PRPF8: variants seen among roughly 807,000 people sequenced by gnomAD.
PRPF8 encodes the protein pre-mRNA-processing-splicing factor 8.
PRPF8 carries 64 observed loss-of-function variants against 285.9 expected under a neutral mutation model. The observed-to-expected ratio is 0.22, with a 90% CI of 0.18 to 0.28. The LOEUF (loss-of-function observed/expected upper bound fraction) is 0.28. Among genes scored for constraint, PRPF8 ranks in the 10% least tolerant of loss-of-function variants. PRPF8 has a pLI of 1.00. For synonymous variants in PRPF8, 1,325 were observed against 1,118.2 expected (o/e 1.18, Z -3.69); for missense variants, 1,426 against 3,026.7 (o/e 0.47, Z 12.41).
At chr17:1,684,422 C>G in intron 2 of PRPF8, 50 bp downstream of exon 2, 1 of 1,599,762 alleles carries the variant, frequency 6.3e-7, no homozygotes, top group Non-Finnish European at 8.6e-7. Context: ...TGCGCGCGCG[C>G]ACACCCGCCC....
Position 1,662,061 on chromosome 17 carries a change from C to T in PRPF8, c.3867G>A (p.Val1289=), listed in dbSNP as rs1301105716. 4 of 1,614,100 alleles carry T rather than the reference C, an allele frequency of 2.5e-6. No individual in the cohort carries two copies. Among genetic ancestry groups the T allele is most frequent in the South Asian group, 1.1e-5 (1 of 91,082 alleles). Residue 1289 remains valine (V), a synonymous_variant, in exon 25 of 43, where the codon GTG becomes GTA. Transcript: ENST00000304992. ...VNTQELLDLL[V]KCENKIQTRI... is the part of the protein sequence containing the mutation. The stretch of plus-strand genomic sequence containing the variant: ...GTGTCTGGATTTTGTTCTCACACTT[C>T]ACCAGTAAGTCCAAGAGCTCTTGGG...
chr17:1,668,630 G>C (rs1192162087), intron 24 of PRPF8, among the ~76,000 whole-genome samples: 1 of 151,980 alleles, frequency 6.6e-6, no homozygotes, highest in Non-Finnish European at 1.5e-5. Context: ...CCAAAGTGCT[G>C]GGATTACAGG....
rs777095019 is a variant in PRPF8 at position 1,673,867 on chromosome 17, G to A, written c.3325C>T (p.Leu1109=). 24 of 1,613,686 alleles carry A rather than the reference G, an allele frequency of 1.5e-5. No individual in the cohort carries two copies. The highest frequency in any genetic ancestry group is 2.0e-5 in the Non-Finnish European group (24 of 1,180,006). ...FRFTADEARD[L]IQRYLTEHPD... ...TGCTCTGTCAGGTAACGTTGAATCA[G>A]GTCCCGAGCCTCATCTGCTGTGAAC... is the stretch of plus-strand genomic sequence containing the variant. Residue 1109 remains leucine, a synonymous_variant, in exon 22 of 43, where the codon CTG becomes TTG. Transcript: ENST00000304992. The surrounding 1 kb of genome is among the most constrained non-coding windows in gnomAD (Gnocchi z 5.5).
intron 6 of PRPF8, 76 bp downstream of exon 6, chr17:1,681,402 A>G: frequency 6.2e-6 from 9 of 1,448,118 alleles, no homozygotes; most frequent in South Asian, 2.3e-5. Flanking sequence ...TTTGGAAGTT[A>G]TATCAGGACT....
Position 1,675,310 on chromosome 17 carries a change from T to A in PRPF8, c.2902A>T (p.Thr968Ser), listed in dbSNP as rs537489157. The change falls in exon 20 of 43, where the codon ACG (threonine) becomes TCG (serine). Residue 968 changes from threonine to serine, a missense_variant. Thr to Ser is a moderately conservative substitution (Grantham distance 58, BLOSUM62 1). Around this residue, in one of 34 missense-constraint regions of PRPF8, gnomAD observed 37 missense variants for 43.4 expected, o/e 0.85. Transcript: ENST00000304992. This position sits in a 1 kb window ranked among gnomAD's most constrained non-coding sequence, Gnocchi z 6.0. ...GINNLQDVWE[T>S]SEGECNVMLE... ...ATGACATTGCACTCGCCTTCACTCG[T>A]CTCCCACACGTCCTGCAGGTTATTG... The A allele has an allele frequency of 3.1e-6, 5 of 1,614,108 alleles. No individual in the cohort carries two copies. In the African/African-American group the frequency reaches 5.3e-5, roughly 17 times the overall value.
At chr17:1,682,388 C>A in intron 3 of PRPF8, 95 bp from the exon 4 acceptor site, 2 of 1,488,400 alleles carry the variant, frequency 1.3e-6, no homozygotes, top group South Asian at 2.3e-5. Context: ...TTCCACAGTC[C>A]TACCTTACAA....
Position 1,677,680 on chromosome 17 carries a change from C to A in PRPF8, c.1869G>T (p.Lys623Asn). 1 of 1,613,970 alleles carries A rather than the reference C, an allele frequency of 6.2e-7. No individual in the cohort carries two copies. Among genetic ancestry groups the A allele is most frequent in the Non-Finnish European group, 8.5e-7 (1 of 1,180,020 alleles). ...CAGCCCAGAAGCCACAGCCAGGACC[C>A]TTCCCTACAGGGCCCTACGATCCCA... Reference protein sequence around the residue: ...YYRFNTGPVGKGPGCGFWAAG... With the variant: ...YYRFNTGPVGNGPGCGFWAAG... Residue 623 changes from lysine to asparagine, a missense_variant, in exon 14 of 43, where the codon AAG becomes AAT. Lys to Asn is a moderately conservative substitution (Grantham distance 94). Coordinates refer to ENST00000304992, the MANE Select transcript of PRPF8 (RefSeq NM_006445.4).
At position 1,662,028 on chromosome 17, in the gene PRPF8, C is replaced by T. The variant is rs1911698782; in HGVS notation, c.3900G>A (p.Lys1300=). The stretch of plus-strand genomic sequence containing the variant: ...TTGGCATCTTGGAGTTGAGTCCAAT[C>T]TTGATACGTGTCTGGATTTTGTTCT... The part of the protein sequence containing the change: ...KCENKIQTRI[K]IGLNSKMPSR... Residue 1300 remains lysine, a synonymous_variant, in exon 25 of 43, where the codon AAG becomes AAA. Transcript: ENST00000304992. The T allele has an allele frequency of 6.2e-6, 10 of 1,614,056 alleles. No individual in the cohort carries two copies. The highest frequency in any genetic ancestry group is 8.5e-6 in the Non-Finnish European group (10 of 1,180,028).
Position 1,658,455 on chromosome 17 carries a change from C to T in PRPF8, c.5376+71G>A. 6.2e-7 allele frequency: 1 copy of T among 1,613,950 alleles called. No individual in the cohort carries two copies. The highest frequency in any genetic ancestry group is 8.5e-7 in the Non-Finnish European group (1 of 1,179,808). The stretch of plus-strand genomic sequence containing the variant: ...TCCTGCCTTCTTCCCAGCATGTGTA[C>T]ACACTTAGCCCATTACTCTCCCACA... On this transcript the variant is annotated intron_variant, in intron 33 of 42. Coordinates refer to ENST00000304992, the MANE Select transcript of PRPF8 (RefSeq NM_006445.4). The surrounding 1 kb of genome is among the most constrained non-coding windows in gnomAD (Gnocchi z 4.1).
At chr17:1,663,710 CAAAAAAA>C (rs58454297) in intron 24 of PRPF8, among the ~76,000 whole-genome samples, 31 of 17,108 alleles carry the variant, frequency 1.8e-3, no homozygotes, top group Middle Eastern at 0.077. Context: ...GACTCCATCT[CAAAAAAA>C]AAAAAAAAAA....
chr17:1,665,670 T>C lies in PRPF8; in HGVS notation c.3775-3517A>G, dbSNP rs570841646. Reference sequence around the variant, plus strand: ...CAGCCTGGCCAAGATGGTGAAACCCTGTCTCTACTAAAAACACACAAAAAA... The same window carrying C: ...CAGCCTGGCCAAGATGGTGAAACCCCGTCTCTACTAAAAACACACAAAAAA... On this transcript the variant is annotated intron_variant, in intron 24 of 42. Coordinates refer to ENST00000304992, the MANE Select transcript of PRPF8 (RefSeq NM_006445.4). 5.9e-5 allele frequency among the ~76,000 whole-genome samples: 9 copies of C among 151,690 alleles called. No homozygotes were observed. In the East Asian group the frequency reaches 1.6e-3, roughly 26 times the overall value.
At chr17:1,677,223 A>C in intron 14 of PRPF8, 51 bp from the exon 15 acceptor site, 1 of 1,542,160 alleles carries the variant, frequency 6.5e-7, no homozygotes, top group Non-Finnish European at 8.9e-7. Context: ...CTTGCTTTCA[A>C]TAAGGGTCTC....
rs1490869060 is a variant in PRPF8, at chr17:1,658,845, AAGAAAGACTGTTCGCC to A, written c.5139-98_5139-83del. 17 of 1,235,808 alleles carry A rather than the reference AAGAAAGACTGTTCGCC, an allele frequency of 1.4e-5. No homozygotes were observed. Among genetic ancestry groups the A allele is most frequent in the Non-Finnish European group, 2.0e-5 (17 of 837,690 alleles). 76.6% of individuals were successfully genotyped at this position (1,235,808 alleles called of 1,614,324 possible). A position where few individuals can be genotyped will look rare whatever the true frequency, so the allele number is the denominator to read the frequency against. ...AGACAAGCTGCCAACTCTACAGAGG[AAGAAAGACTGTTCGCC>A]AGGCTGACAACACTCTGCTCATGTG... On this transcript the variant is annotated intron_variant, in intron 32 of 42. Coordinates refer to ENST00000304992, the MANE Select transcript of PRPF8 (RefSeq NM_006445.4). This position sits in a 1 kb window ranked among gnomAD's most constrained non-coding sequence, Gnocchi z 4.1.
chr17:1,669,116 C>A (rs1912163216), intron 24 of PRPF8, among the ~76,000 whole-genome samples: 2 of 152,064 alleles, frequency 1.3e-5, no homozygotes, highest in Admixed American at 1.3e-4. Flanking sequence ...ACCTACTTTT[C>A]TTTTCTTCGA....
rs1460213767 is a variant in PRPF8, at chr17:1,658,628, G to A, written c.5274C>T (p.Pro1758=). The change falls in exon 33 of 43, where the codon CCC becomes CCT. Residue 1758 remains proline (P), a synonymous_variant. Transcript: ENST00000304992. The surrounding 1 kb of genome is among the most constrained non-coding windows in gnomAD (Gnocchi z 4.1). ...TCTGAGAAGACAAATAAGGCTCAGT[G>A]GGTTCAGATGAATAGAGCTGTAGCC... is the stretch of plus-strand genomic sequence containing the variant. ...RKGLQLYSSE[P]TEPYLSSQNY... The A allele has an allele frequency of 1.9e-6, 3 of 1,614,072 alleles. No individual in the cohort carries two copies. The highest frequency in any genetic ancestry group is 2.5e-6 in the Non-Finnish European group (3 of 1,180,016).
At chr17:1,656,371 T>G in intron 36 of PRPF8, 21 bp downstream of exon 36, 1 of 1,614,200 alleles carries the variant, frequency 6.2e-7, no homozygotes. Flanking sequence ...TCCAGCGATC[T>G]TCTCTTCCCG....
chr17:1,683,904 T>C (rs1913080942), intron 2 of PRPF8, among the ~76,000 whole-genome samples: 1 of 150,726 alleles, frequency 6.6e-6, no homozygotes, highest in African/African-American at 2.4e-5. Context: ...TTTTTTTTTT[T>C]GAGAGGTTGT....
intron 20 of PRPF8, 37 bp from the exon 21 acceptor site, chr17:1,674,717 C>G (rs1912519505): frequency 6.3e-7 from 1 of 1,589,504 alleles, no homozygotes; most frequent in African/African-American, 1.3e-5. Context: ...AGAATGTGAG[C>G]CATGCCCCAG....
rs554626035 is a variant in PRPF8 at position 1,676,574 on chromosome 17, T to C, written c.2319A>G (p.Lys773=). 7.9e-5 allele frequency: 128 copies of C among 1,614,106 alleles called. 4 individuals are homozygous for C. In the South Asian group the frequency reaches 1.4e-3, roughly 18 times the overall value. The change falls in exon 16 of 43, where the codon AAA becomes AAG. Residue 773 remains lysine (K), a synonymous_variant. Coordinates refer to ENST00000304992, the MANE Select transcript of PRPF8 (RefSeq NM_006445.4). This position sits in a 1 kb window ranked among gnomAD's most constrained non-coding sequence, Gnocchi z 6.3. ...RGATVDKTVC[K]KNLGRLTRLY... is the part of the protein sequence containing the mutation. Reference sequence around the variant, plus strand: ...GCCGGGTGAGGCGGCCCAGATTCTTTTTACAAACAGTCTTGTCCACAGTGG... The same window carrying C: ...GCCGGGTGAGGCGGCCCAGATTCTTCTTACAAACAGTCTTGTCCACAGTGG...
Sources: gnomAD v4.1 joint callset for allele counts (sites outside exome capture counted in the v4.1 genomes callset) on GRCh38, gnomAD v4.1.1 for gene constraint, gnomAD v4.1.1 regional missense constraint, Gnocchi (gnomAD v3.1) non-coding constraint, MANE v1.5 for transcripts, NCBI Gene and HGNC (gene_info 2026-07-23, HGNC 2026-07-21) for gene names.